SAXO1: variants seen among roughly 807,000 people sequenced by gnomAD.
The protein encoded by SAXO1 is 4930500O09Rik.
A neutral mutation model predicts 17.5 loss-of-function variants in SAXO1; 21 were observed. That is an observed-to-expected ratio of 1.20 (90% CI 0.85 to 1.72). SAXO1 has a LOEUF of 1.72. Among genes scored for constraint, SAXO1 ranks in the 40% most tolerant of loss-of-function variants. The pLI, the probability that SAXO1 is intolerant of heterozygous loss-of-function variation, is 0.00. For synonymous variants in SAXO1, 274 were observed against 216.5 expected (o/e 1.27, Z -2.33); for missense variants, 843 against 596.0 (o/e 1.41, Z -4.32).
At chr9:19,004,847 G>C (rs933400493) in intron 1 of SAXO1, among the ~76,000 whole-genome samples, 1 of 152,002 alleles carries the variant, frequency 6.6e-6, no homozygotes, top group Admixed American at 6.6e-5. Flanking sequence ...GCACATGTAC[G>C]CTAGAACTTA....
intron 1 of SAXO1, among the ~76,000 whole-genome samples, chr9:18,996,869 A>G (rs557501249): frequency 1.3e-5 from 2 of 152,334 alleles, no homozygotes; most frequent in African/African-American, 4.8e-5. Flanking sequence ...AAACATAGTA[A>G]AAGGCATCCA....
rs573219247 is a variant in SAXO1 at position 18,974,507 on chromosome 9, A to C, written c.39-23570T>G. On this transcript the variant is annotated intron_variant, in intron 1 of 3. Transcript: ENST00000380534. ...AAAAAGTTTGAGGGTTGAGGTAGAG[A>C]AATACAAGGTAAGCCTGGAACATCT... Among the ~76,000 whole-genome samples the C allele has an allele frequency of 3.9e-5, 6 of 152,356 alleles. No homozygotes were observed. In the East Asian group the frequency reaches 1.2e-3, roughly 29 times the overall value.
intron 1 of SAXO1, among the ~76,000 whole-genome samples, chr9:18,976,730 A>T (rs1428230464): frequency 6.6e-6 from 1 of 152,180 alleles, no homozygotes; most frequent in African/African-American, 2.4e-5. Context: ...TGCGTGATAA[A>T]CTTTCATTTT....
chr9:18,980,924 C>T (rs978713278), intron 1 of SAXO1, among the ~76,000 whole-genome samples: 1 of 152,006 alleles, frequency 6.6e-6, no homozygotes, highest in African/African-American at 2.4e-5. Flanking sequence ...TTTACATTGT[C>T]GGGAGATTTT....
chr9:18,998,046 A>G (rs1563970652), intron 1 of SAXO1, among the ~76,000 whole-genome samples: 1 of 152,226 alleles, frequency 6.6e-6, no homozygotes, highest in Non-Finnish European at 1.5e-5. Context: ...TCCAAAAACC[A>G]GAATGCCCTT....
intron 1 of SAXO1, among the ~76,000 whole-genome samples, chr9:18,975,829 G>T (rs1588466692): frequency 6.6e-6 from 1 of 152,312 alleles, no homozygotes; most frequent in African/African-American, 2.4e-5. Flanking sequence ...GAAGCTGAAA[G>T]TTGTGCTGAG....
rs138695118 is a variant in SAXO1 at position 19,024,554 on chromosome 9, T to C, written c.38+8317A>G. Among the ~76,000 whole-genome samples the C allele has an allele frequency of 1.6e-4, 25 of 152,210 alleles. No individual in the cohort carries two copies. The East Asian group carries it at 4.8e-3, about 29-fold the overall frequency. On this transcript the variant is annotated intron_variant, in intron 1 of 3. Transcript: ENST00000380534. ...CACATGTATAGATATGTAACTAACC[T>C]GCACGTTGTGCACATGTACCCTAAA...
At position 18,928,993 on chromosome 9, in the gene SAXO1, G is replaced by A; in HGVS notation, c.484C>T (p.Pro162Ser). 6.2e-7 allele frequency: 1 copy of A among 1,614,172 alleles called. No homozygotes were observed. Among genetic ancestry groups the A allele is most frequent in the South Asian group, 1.1e-5 (1 of 91,082 alleles). The change falls in exon 4 of 4, where the codon CCG becomes TCG. Residue 162 changes from proline (P) to serine (S), a missense_variant. Physicochemically the swap from Pro to Ser is moderately conservative, Grantham distance 74. Coordinates refer to ENST00000380534, the MANE Select transcript of SAXO1 (RefSeq NM_153707.4). ...CTGTTATCAAACCTGACTGATGCCG[G>A]CTGGTATTTGTGTTCCAGACGAAGT... ...EPLRLEHKYQ[P>S]ASVRFDNRTT...
At chr9:18,963,969 C>T (rs1832606499) in intron 1 of SAXO1, among the ~76,000 whole-genome samples, 1 of 152,136 alleles carries the variant, frequency 6.6e-6, no homozygotes, top group African/African-American at 2.4e-5. Context: ...CCATCAATAC[C>T]TACTTTACTG....
intron 1 of SAXO1, among the ~76,000 whole-genome samples, chr9:18,955,182 G>A (rs1432688192): frequency 6.6e-6 from 1 of 152,094 alleles, no homozygotes; most frequent in Non-Finnish European, 1.5e-5. Flanking sequence ...ACTCCAGCCT[G>A]GGTGATGTAG....
At chr9:18,964,917 A>C (rs1207773844) in intron 1 of SAXO1, among the ~76,000 whole-genome samples, 1 of 152,162 alleles carries the variant, frequency 6.6e-6, no homozygotes. Flanking sequence ...CCCTCTACAC[A>C]CTGCTTTAGC....
chr9:18,959,740 C>A (rs1010740210), intron 1 of SAXO1, among the ~76,000 whole-genome samples: 3 of 151,006 alleles, frequency 2.0e-5, no homozygotes, highest in Non-Finnish European at 2.9e-5. Flanking sequence ...CATTGCACTC[C>A]AGCCTGGGCA....
intron 1 of SAXO1, among the ~76,000 whole-genome samples, chr9:18,979,563 G>A (rs531309895): frequency 1.3e-5 from 2 of 152,218 alleles, no homozygotes; most frequent in African/African-American, 2.4e-5. Context: ...GAGGCTGAAA[G>A]TCACACCAGG....
At chr9:18,967,216 C>G (rs7024608) in intron 1 of SAXO1, among the ~76,000 whole-genome samples, 1 of 152,092 alleles carries the variant, frequency 6.6e-6, no homozygotes. Flanking sequence ...GCCAGGAGGC[C>G]TGGGGGTCAG....
At chr9:18,986,407 A>G (rs961937237) in intron 1 of SAXO1, among the ~76,000 whole-genome samples, 8 of 152,242 alleles carry the variant, frequency 5.3e-5, no homozygotes, top group Non-Finnish European at 8.8e-5. Flanking sequence ...CTATTTTAAC[A>G]GGATAACTGT....
chr9:19,035,247 AT>A (rs1445870175), upstream of SAXO1, among the ~76,000 whole-genome samples: 1 of 152,130 alleles, frequency 6.6e-6, no homozygotes, highest in Non-Finnish European at 1.5e-5. Context: ...GTGGGAGATA[AT>A]TTGAATCATG....
rs894344394 is a variant in SAXO1 at position 19,024,456 on chromosome 9, G to C, written c.38+8415C>G. Among the ~76,000 whole-genome samples the C allele has an allele frequency of 3.3e-5, 5 of 152,158 alleles. No homozygotes were observed. The East Asian group carries it at 5.8e-4, about 18-fold the overall frequency. On this transcript the variant is annotated intron_variant, in intron 1 of 3. Coordinates refer to ENST00000380534, the MANE Select transcript of SAXO1 (RefSeq NM_153707.4). ...GGGGACAGTTGTGGGGTGGGGCGAGGGGGGGAGGGATAGCATTAGGAGATA... is the reference window on the plus strand; with the variant it reads ...GGGGACAGTTGTGGGGTGGGGCGAGCGGGGGAGGGATAGCATTAGGAGATA...
At chr9:19,024,853 T>A (rs913064894) in intron 1 of SAXO1, among the ~76,000 whole-genome samples, 1 of 152,124 alleles carries the variant, frequency 6.6e-6, no homozygotes, top group Non-Finnish European at 1.5e-5. Flanking sequence ...TGAAGGTCAG[T>A]AATAAATATT....
intron 3 of SAXO1, among the ~76,000 whole-genome samples, chr9:18,930,575 C>T (rs932248693): frequency 2.0e-5 from 3 of 152,192 alleles, no homozygotes; most frequent in Admixed American, 6.5e-5. Flanking sequence ...TCTCAGCTCA[C>T]CGCAACCTCC....
Sources: gnomAD v4.1 joint callset for allele counts (sites outside exome capture counted in the v4.1 genomes callset) on GRCh38, gnomAD v4.1.1 for gene constraint, MANE v1.5 for transcripts, NCBI Gene and HGNC (gene_info 2026-07-23, HGNC 2026-07-21) for gene names.